FAM174A: variants seen among roughly 807,000 people sequenced by gnomAD.
FAM174A encodes family with sequence similarity 174 member A.
Under a neutral mutation model 14.3 loss-of-function variants are expected in FAM174A, and 14 were observed. The ratio of observed to expected loss-of-function variants is 0.98; its 90% confidence interval spans 0.65 to 1.53. The LOEUF is 1.53. Among genes scored for constraint, FAM174A ranks in the 40% most tolerant of loss-of-function variants. The probability of loss-of-function intolerance (pLI) is 0.00; values close to 1 mark genes in which losing one functional copy is unlikely to be tolerated. For synonymous variants in FAM174A, 108 were observed against 111.4 expected (o/e 0.97, Z 0.19); for missense variants, 241 against 249.6 (o/e 0.97, Z 0.23).
chr5:100,564,667 TAAATA>T (rs1405342189), intron 2 of FAM174A, among the ~76,000 whole-genome samples: 2 of 151,440 alleles, frequency 1.3e-5, no homozygotes, highest in East Asian at 3.9e-4. Context: ...AAGGCTCAAA[TAAATA>T]AAATCAGAAA....
chr5:100,570,892 T>C (rs1746764692), intron 2 of FAM174A, among the ~76,000 whole-genome samples: 1 of 151,966 alleles, frequency 6.6e-6, no homozygotes, highest in African/African-American at 2.4e-5. Flanking sequence ...AGAGTTTTTA[T>C]CATGAATAGT....
At chr5:100,550,678 G>T (rs771390434) in intron 1 of FAM174A, among the ~76,000 whole-genome samples, 45 of 152,158 alleles carry the variant, frequency 3.0e-4, no homozygotes, top group Admixed American at 2.0e-3. Context: ...TAAAGGACAT[G>T]TATATAGTTT....
At chr5:100,558,767 C>CT (rs1746454976) in intron 1 of FAM174A, among the ~76,000 whole-genome samples, 1 of 151,694 alleles carries the variant, frequency 6.6e-6, no homozygotes, top group African/African-American at 2.4e-5. Context: ...CAACCCCTGC[C>CT]TTTTTTGTTT....
chr5:100,567,315 T>G (rs1168937857), intron 2 of FAM174A, among the ~76,000 whole-genome samples: 1 of 151,828 alleles, frequency 6.6e-6, no homozygotes, highest in Admixed American at 6.6e-5. Context: ...CAGCTATCTA[T>G]TTGCCAAGCA....
At chr5:100,544,531 C>A (rs1746128389) in intron 1 of FAM174A, among the ~76,000 whole-genome samples, 1 of 151,938 alleles carries the variant, frequency 6.6e-6, no homozygotes, top group Non-Finnish European at 1.5e-5. Context: ...TATGTGAAAT[C>A]AAAACATGTA....
chr5:100,579,733 T>G (rs939228058), intron 2 of FAM174A, among the ~76,000 whole-genome samples: 7 of 152,194 alleles, frequency 4.6e-5, no homozygotes, highest in African/African-American at 1.7e-4. Context: ...GCCATGATAT[T>G]TTTAAATTAT....
At chr5:100,571,702 A>G (rs1385606765) in intron 2 of FAM174A, among the ~76,000 whole-genome samples, 1 of 148,054 alleles carries the variant, frequency 6.8e-6, no homozygotes, top group African/African-American at 2.5e-5. Context: ...ACACACACAC[A>G]CCCTATTACT....
chr5:100,570,748 T>G (rs962323921), intron 2 of FAM174A, among the ~76,000 whole-genome samples: 6 of 151,988 alleles, frequency 3.9e-5, no homozygotes, highest in African/African-American at 1.4e-4. Context: ...ATATATCAAA[T>G]TATTTTTATT....
At chr5:100,574,482 C>T (rs780781188) in intron 2 of FAM174A, among the ~76,000 whole-genome samples, 8 of 152,114 alleles carry the variant, frequency 5.3e-5, no homozygotes, top group South Asian at 2.1e-4. Context: ...GCCACTGCAC[C>T]GGGCCTCAAA....
chr5:100,571,152 G>GTATA (rs10642518), intron 2 of FAM174A, among the ~76,000 whole-genome samples: 84 of 150,532 alleles, frequency 5.6e-4, no homozygotes, highest in African/African-American at 7.1e-4. Flanking sequence ...ATATGTGTGT[G>GTATA]TATATATATA....
intron 2 of FAM174A, among the ~76,000 whole-genome samples, chr5:100,579,098 T>C (rs1269558236): frequency 6.6e-6 from 1 of 152,274 alleles, no homozygotes; most frequent in Non-Finnish European, 1.5e-5. Flanking sequence ...GATTTATGTG[T>C]ACTGGTAATC....
intron 1 of FAM174A, among the ~76,000 whole-genome samples, chr5:100,537,356 GT>G (rs1377277777): frequency 5.3e-5 from 8 of 151,722 alleles, no homozygotes; most frequent in Non-Finnish European, 1.0e-4. Context: ...TTCTTTTTAC[GT>G]TTTTTTCTTT....
intron 2 of FAM174A, among the ~76,000 whole-genome samples, chr5:100,571,139 T>C (rs1746770088): frequency 7.4e-6 from 1 of 134,344 alleles, no homozygotes; most frequent in Non-Finnish European, 1.6e-5. Context: ...TACATATACA[T>C]ATATATGTGT....
At chr5:100,545,219 A>G (rs979463314) in intron 1 of FAM174A, among the ~76,000 whole-genome samples, 2 of 152,342 alleles carry the variant, frequency 1.3e-5, no homozygotes, top group African/African-American at 4.8e-5. Flanking sequence ...TATGAGAAAT[A>G]TGGTAAAATG....
chr5:100,557,148 A>G (rs923851508), intron 1 of FAM174A, among the ~76,000 whole-genome samples: 12 of 152,216 alleles, frequency 7.9e-5, no homozygotes, highest in African/African-American at 2.4e-4. Flanking sequence ...AGTTTTCAGC[A>G]TGAAGCGTTG....
chr5:100,580,748 C>T (rs1746995290), intron 2 of FAM174A, among the ~76,000 whole-genome samples: 1 of 152,190 alleles, frequency 6.6e-6, no homozygotes, highest in East Asian at 1.9e-4. Context: ...TTAACCATCA[C>T]ACTTGCAGTC....
chr5:100,576,174 T>C (rs1052860492), intron 2 of FAM174A, among the ~76,000 whole-genome samples: 2 of 152,174 alleles, frequency 1.3e-5, no homozygotes, highest in African/African-American at 2.4e-5. Context: ...AGTAATTATT[T>C]TTTCTGTTTC....
intron 2 of FAM174A, 33 bp from the exon 3 acceptor site, chr5:100,586,148 G>T: frequency 8.4e-7 from 1 of 1,187,926 alleles, no homozygotes; most frequent in Admixed American, 2.0e-5. Context: ...TTCTAGAAAG[G>T]ATATTTATGG....
chr5:100,578,025 A>G (rs1403701594), intron 2 of FAM174A, among the ~76,000 whole-genome samples: 1 of 152,114 alleles, frequency 6.6e-6, no homozygotes, highest in Non-Finnish European at 1.5e-5. Flanking sequence ...GCGCATACTA[A>G]TAGAATGTCT....
Sources: gnomAD v4.1 joint callset for allele counts (sites outside exome capture counted in the v4.1 genomes callset) on GRCh38, gnomAD v4.1.1 for gene constraint, MANE v1.5 for transcripts, NCBI Gene and HGNC (gene_info 2026-07-23, HGNC 2026-07-21) for gene names.